The following UBN1 variants were observed in gnomAD, a reference collection of about 807,000 sequenced individuals.
UBN1 encodes the protein ubinuclein-1.
In UBN1, 17 loss-of-function variants were observed where a neutral mutation model predicts 108.5. That is an observed-to-expected ratio of 0.16 (90% CI 0.11 to 0.24). The LOEUF (loss-of-function observed/expected upper bound fraction) is 0.24. Ranked by LOEUF, UBN1 falls within the 10% of genes least tolerant of loss-of-function variation. UBN1 has a pLI of 1.00. For synonymous variants in UBN1, 726 were observed against 564.2 expected (o/e 1.29, Z -4.07); for missense variants, 1,595 against 1,394.4 (o/e 1.14, Z -2.29).
intron 17 of UBN1, among the ~76,000 whole-genome samples, chr16:4,879,765 C>T (rs1192039305): frequency 2.0e-5 from 3 of 152,172 alleles, no homozygotes; most frequent in African/African-American, 4.8e-5. Context: ...TCTGTGTGAT[C>T]GTCAGGCCTC....
At chr16:4,858,835 T>G (rs750725457) in intron 4 of UBN1, 172 bp downstream of exon 4, 9 of 954,418 alleles carry the variant, frequency 9.4e-6, no homozygotes, top group Non-Finnish European at 1.6e-6. Flanking sequence ...CTTAGTTCCC[T>G]CTTCAGAAAG....
chr16:4,858,954 T>C, intron 4 of UBN1, 71 bp from the exon 5 acceptor site: 2 of 1,570,832 alleles, frequency 1.3e-6, no homozygotes, highest in South Asian at 2.4e-5. Flanking sequence ...CACATCTCTC[T>C]CGAGACCCAC....
chr16:4,853,236 C>T, intron 2 of UBN1, 70 bp downstream of exon 2: 2 of 1,559,174 alleles, frequency 1.3e-6, no homozygotes, highest in Middle Eastern at 1.9e-4. Context: ...TGTGGGGCTT[C>T]CGTAGCGGGG....
At chr16:4,850,622 C>T (rs897618729) in intron 1 of UBN1, among the ~76,000 whole-genome samples, 6 of 152,194 alleles carry the variant, frequency 3.9e-5, no homozygotes, top group Non-Finnish European at 7.3e-5. Context: ...TTTGCAGCGC[C>T]AGCCTGTTAC....
At position 4,876,894 on chromosome 16, in the gene UBN1, G is replaced by T; in HGVS notation, c.3048G>T (p.Leu1016=). The change falls in exon 16 of 18, where the codon CTG becomes CTT. Residue 1016 remains leucine (L), a synonymous_variant. Coordinates refer to ENST00000262376, the MANE Select transcript of UBN1 (RefSeq NM_001079514.3). Reference sequence around the variant, plus strand: ...AGAAAGGAGCGAGTGGGACTGTGCTGCTGGCCGGCTCCTCTTTGATGGCTT... The same window carrying T: ...AGAAAGGAGCGAGTGGGACTGTGCTTCTGGCCGGCTCCTCTTTGATGGCTT... The part of the protein sequence containing the change: ...SLSKGASGTV[L]LAGSSLMASP... 5 of 1,610,824 alleles carry T rather than the reference G, an allele frequency of 3.1e-6. No individual in the cohort carries two copies. Among genetic ancestry groups the T allele is most frequent in the South Asian group, 1.1e-5 (1 of 90,544 alleles).
chr16:4,870,128 G>A, intron 8 of UBN1, 84 bp from the exon 9 acceptor site: 1 of 1,584,454 alleles, frequency 6.3e-7, no homozygotes, highest in South Asian at 1.1e-5. Context: ...TTGGCTCCTA[G>A]CTTTCCTCTC....
chr16:4,881,253 T>C lies in UBN1; in HGVS notation c.*1121T>C, dbSNP rs2088068042. 1 of 152,682 alleles carries C rather than the reference T, an allele frequency of 6.5e-6. No individual in the cohort carries two copies. The allele number at this position is 152,682 out of a possible 1,614,324, so 9.5% of individuals were successfully genotyped here. On this transcript the variant is annotated 3_prime_UTR_variant, in exon 18 of 18. Coordinates refer to ENST00000262376, the MANE Select transcript of UBN1 (RefSeq NM_001079514.3). ...CAGAAGCAGGCCTCTGTGAAGTGTC[T>C]GCCGGGTAGAAATAGGCCTTGAAGT...
intron 4 of UBN1, 99 bp downstream of exon 4, chr16:4,858,762 C>G (rs957955440): frequency 4.2e-6 from 5 of 1,180,362 alleles, no homozygotes; most frequent in Non-Finnish European, 6.2e-6. Context: ...CAGTCGTGCC[C>G]TCTTCCCAGC....
chr16:4,858,115 G>C (rs1419513553), intron 3 of UBN1, 39 bp downstream of exon 3: 1 of 1,365,418 alleles, frequency 7.3e-7, no homozygotes, highest in Admixed American at 1.7e-5. Context: ...AACCTCATTG[G>C]GTGGGAGACG....
chr16:4,849,947 C>CAAAAAAAAA (rs1385480336), intron 1 of UBN1, among the ~76,000 whole-genome samples: 1 of 25,372 alleles, frequency 3.9e-5, no homozygotes, highest in Admixed American at 5.3e-4. Context: ...GCAACTGTCT[C>CAAAAAAAAA]ACAAAAAAAA....
At chr16:4,872,813 A>G (rs1230525628) in intron 12 of UBN1, 71 bp from the exon 13 acceptor site, 4 of 1,575,862 alleles carry the variant, frequency 2.5e-6, no homozygotes, top group Non-Finnish European at 3.5e-6. Context: ...CAGGGACACT[A>G]GCAAAGTTCT....
In UBN1 at chr16:4,875,226, C is replaced by T. The variant is rs771479756; in HGVS notation, c.2816C>T (p.Pro939Leu). ...VSGSLVPGIQ[P>L]PSVGQATSRP... ...GGGAGCCTGGTCCCTGGCATACAGC[C>T]TCCCTCCGTGGGACAGGCCACCAGC... is the stretch of plus-strand genomic sequence containing the variant. Residue 939 changes from proline (P) to leucine (L), a missense_variant, in exon 15 of 18, where the codon CCT becomes CTT. This residue lies in a region of UBN1 where 1,398 missense variants were observed against 1,194.7 expected (regional missense o/e 1.17). Transcript: ENST00000262376. The T allele has an allele frequency of 6.2e-7, 1 of 1,614,218 alleles. No homozygotes were observed. The highest frequency in any genetic ancestry group is 8.5e-7 in the Non-Finnish European group (1 of 1,180,050).
Position 4,848,173 on chromosome 16 carries a change from G to A in UBN1, c.-77G>A, listed in dbSNP as rs947256679. ...GGGACCGGCATGAGGACCGCCGCGG[G>A]GGGACGTCTGCGGCCCGCGTCGGCG... is the stretch of plus-strand genomic sequence containing the variant. On this transcript the variant is annotated 5_prime_UTR_variant, in exon 1 of 18. Coordinates refer to ENST00000262376, the MANE Select transcript of UBN1 (RefSeq NM_001079514.3). 25 of 152,214 alleles carry A rather than the reference G, an allele frequency of 1.6e-4. 1 individual carries two copies. Among genetic ancestry groups the A allele is most frequent in the African/African-American group, 5.8e-4 (24 of 41,456 alleles). The allele number at this position is 152,214 out of a possible 1,614,324, so 9.4% of individuals were successfully genotyped here. A position where few individuals can be genotyped will look rare whatever the true frequency, so the allele number is the denominator to read the frequency against.
Position 4,877,898 on chromosome 16 carries a change from T to C in UBN1, c.3355+424T>C, listed in dbSNP as rs1242592207. The stretch of plus-strand genomic sequence containing the variant: ...CAAGCTGCTCCACTGTCAGATGTGA[T>C]TGCTTAACAGAAGGCTCTCTAAACT... On this transcript the variant is annotated intron_variant, in intron 17 of 17. Transcript: ENST00000262376. This position sits in a 1 kb window ranked among gnomAD's most constrained non-coding sequence, Gnocchi z 4.3. The C allele has an allele frequency of 1.1e-6, 1 of 920,720 alleles. No individual in the cohort carries two copies. The allele number at this position is 920,720 out of a possible 1,614,324, so 57.0% of individuals were successfully genotyped here. A position where few individuals can be genotyped will look rare whatever the true frequency, so the allele number is the denominator to read the frequency against.
intron 10 of UBN1, 63 bp from the exon 11 acceptor site, chr16:4,870,781 G>A: frequency 6.2e-7 from 1 of 1,606,758 alleles, no homozygotes; most frequent in Non-Finnish European, 8.5e-7. Context: ...GTAGTGCAGA[G>A]TGAGGGGAGA....
intron 2 of UBN1, among the ~76,000 whole-genome samples, chr16:4,856,211 G>A (rs2086802102): frequency 6.6e-6 from 1 of 152,194 alleles, no homozygotes; most frequent in Non-Finnish European, 1.5e-5. Flanking sequence ...GTGCTCTGAT[G>A]TCACCTTTTT....
Position 4,877,065 on chromosome 16 carries a change from C to T in UBN1, c.3219C>T (p.Ile1073=), listed in dbSNP as rs777977398. 40 of 1,614,052 alleles carry T rather than the reference C, an allele frequency of 2.5e-5. No individual in the cohort carries two copies. In the Middle Eastern group the frequency reaches 1.2e-3, roughly 47 times the overall value. ...SAKAGVSKDA[I]VTGPAPGSFH... The stretch of plus-strand genomic sequence containing the variant: ...AAGCAGGGGTCTCCAAGGATGCCAT[C>T]GTCACAGGCCCTGCCCCCGGGTCCT... The change falls in exon 16 of 18, where the codon ATC becomes ATT. Residue 1073 remains isoleucine, a synonymous_variant. Transcript: ENST00000262376. The surrounding 1 kb of genome is among the most constrained non-coding windows in gnomAD (Gnocchi z 4.3).
At chr16:4,851,925 C>G (rs533631820) in intron 1 of UBN1, among the ~76,000 whole-genome samples, 17 of 152,266 alleles carry the variant, frequency 1.1e-4, no homozygotes, top group African/African-American at 4.1e-4. Context: ...AGAGATATGA[C>G]AGATTTTGTA....
intron 1 of UBN1, among the ~76,000 whole-genome samples, chr16:4,849,283 A>G (rs1027827468): frequency 5.9e-5 from 9 of 152,174 alleles, no homozygotes; most frequent in African/African-American, 2.2e-4. Flanking sequence ...TAAGAAATGC[A>G]ATTTTTGGAA....
Sources: allele counts gnomAD v4.1 joint callset (sites outside exome capture counted in the v4.1 genomes callset), GRCh38; gene constraint gnomAD v4.1.1; regional missense constraint gnomAD v4.1.1; non-coding constraint Gnocchi (gnomAD v3.1); transcripts MANE v1.5; gene names NCBI Gene and HGNC (gene_info 2026-07-23, HGNC 2026-07-21).